RAVER2: variants seen among roughly 807,000 people sequenced by gnomAD.
RAVER2 encodes ribonucleoprotein PTB-binding 2.
Under a neutral mutation model 78.1 loss-of-function variants are expected in RAVER2, and 46 were observed. The observed-to-expected ratio is 0.59, with a 90% CI of 0.46 to 0.75. The LOEUF (loss-of-function observed/expected upper bound fraction) is 0.75, where lower values mean the gene tolerates loss of function less well. Ranked by LOEUF, RAVER2 falls within the 30% of genes least tolerant of loss-of-function variation. RAVER2 has a pLI of 0.00. For missense variants in RAVER2, 793 were observed against 837.5 expected (o/e 0.95, Z 0.66); for synonymous variants, 311 against 313.3 (o/e 0.99, Z 0.08).
exon 12 of RAVER2, chr1:64,830,860 A>G (rs758842276): frequency 6.2e-7 from 1 of 1,607,134 alleles, no homozygotes; most frequent in African/African-American, 1.3e-5. Context: ...AAGAAATGAA[A>G]AGCGAGGCTC....
intron 1 of RAVER2, among the ~76,000 whole-genome samples, chr1:64,749,014 A>AT (rs1169431375): frequency 6.7e-6 from 1 of 149,198 alleles, no homozygotes; most frequent in African/African-American, 2.5e-5. Context: ...TTTTTTTTTA[A>AT]TTTTTTGTAG....
chr1:64,805,161 G>A, intron 8 of RAVER2, 56 bp downstream of exon 8: 1 of 1,481,784 alleles, frequency 6.7e-7, no homozygotes, highest in Non-Finnish European at 9.4e-7. Context: ...GAGATTTAAA[G>A]ATAGTTTACC....
chr1:64,754,681 GGGGGTAT>G (rs1651802010), intron 1 of RAVER2, among the ~76,000 whole-genome samples: 1 of 152,188 alleles, frequency 6.6e-6, no homozygotes, highest in South Asian at 2.1e-4. Flanking sequence ...ATTATTTCAA[GGGGGTAT>G]GGATCTCTTA....
intron 1 of RAVER2, among the ~76,000 whole-genome samples, chr1:64,751,545 G>T (rs1472213780): frequency 6.6e-6 from 1 of 152,086 alleles, no homozygotes; most frequent in Non-Finnish European, 1.5e-5. Flanking sequence ...TCTTCTATTT[G>T]CACTTATTCT....
At chr1:64,778,066 A>G (rs1047459855) in exon 3 of RAVER2, 19 of 1,613,306 alleles carry the variant, frequency 1.2e-5, no homozygotes, top group Non-Finnish European at 1.6e-5. Flanking sequence ...AATTTTTTCC[A>G]GTGTCCATAA....
intron 1 of RAVER2, among the ~76,000 whole-genome samples, chr1:64,760,613 C>T (rs1354989305): frequency 6.6e-6 from 1 of 152,180 alleles, no homozygotes; most frequent in Non-Finnish European, 1.5e-5. Context: ...TTTAGCATTA[C>T]TAGATGATTG....
At chr1:64,805,016 C>T (rs1653374879) in exon 8 of RAVER2, 29 of 1,613,810 alleles carry the variant, frequency 1.8e-5, no homozygotes, top group Non-Finnish European at 2.3e-5. Context: ...GGAGAGCCCC[C>T]AGCTGTGGTA....
At chr1:64,746,238 C>T (rs978186212) in intron 1 of RAVER2, among the ~76,000 whole-genome samples, 8 of 152,102 alleles carry the variant, frequency 5.3e-5, no homozygotes, top group African/African-American at 1.4e-4. Context: ...ACAGAAATTA[C>T]CCATATTTCT....
intron 11 of RAVER2, among the ~76,000 whole-genome samples, chr1:64,820,820 G>A (rs949057874): frequency 6.6e-6 from 1 of 152,190 alleles, no homozygotes; most frequent in Non-Finnish European, 1.5e-5. Context: ...TGGGCATTTA[G>A]GTTGATTCTA....
intron 1 of RAVER2, among the ~76,000 whole-genome samples, chr1:64,750,852 G>T (rs1473041831): frequency 1.3e-5 from 2 of 152,168 alleles, no homozygotes; most frequent in African/African-American, 4.8e-5. Flanking sequence ...CAATTAAACA[G>T]AATTGAATTA....
intron 2 of RAVER2, among the ~76,000 whole-genome samples, chr1:64,773,391 G>A (rs1168758854): frequency 1.3e-5 from 2 of 151,028 alleles, no homozygotes; most frequent in African/African-American, 2.4e-5. Flanking sequence ...GTGTCCATTT[G>A]TTCTCATTGT....
At chr1:64,812,839 G>A (rs1653654884) in exon 10 of RAVER2, 2 of 1,600,772 alleles carry the variant, frequency 1.2e-6, no homozygotes, top group Non-Finnish European at 8.5e-7. Flanking sequence ...TGCCCAGTGT[G>A]TGCTTATCAT....
At chr1:64,791,928 GTCT>G (rs945433021) in intron 5 of RAVER2, among the ~76,000 whole-genome samples, 45 of 152,134 alleles carry the variant, frequency 3.0e-4, no homozygotes, top group African/African-American at 1.0e-3. Context: ...TATTTTACCT[GTCT>G]TCTTTTCTCC....
intron 4 of RAVER2, among the ~76,000 whole-genome samples, chr1:64,787,638 T>C (rs1486609940): frequency 3.3e-5 from 5 of 152,194 alleles, no homozygotes; most frequent in Admixed American, 6.5e-5. Flanking sequence ...TCTGCCCGCC[T>C]AGTGTTATCT....
chr1:64,791,556 A>G (rs1475891887), intron 5 of RAVER2, among the ~76,000 whole-genome samples: 1 of 152,252 alleles, frequency 6.6e-6, no homozygotes, highest in Admixed American at 6.5e-5. Flanking sequence ...ATTCTTTATT[A>G]TACAACAATA....
intron 5 of RAVER2, among the ~76,000 whole-genome samples, chr1:64,792,608 T>C (rs1652974916): frequency 6.6e-6 from 1 of 152,224 alleles, no homozygotes; most frequent in Non-Finnish European, 1.5e-5. Context: ...CTTAGTGCTT[T>C]CTCAATTTTA....
chr1:64,786,482 A>G (rs1268655362), intron 4 of RAVER2, among the ~76,000 whole-genome samples: 1 of 152,156 alleles, frequency 6.6e-6, no homozygotes, highest in African/African-American at 2.4e-5. Flanking sequence ...CAGTTTCTTT[A>G]ATTGGATCTT....
intron 11 of RAVER2, among the ~76,000 whole-genome samples, chr1:64,818,530 C>T (rs1653810975): frequency 1.3e-5 from 2 of 151,968 alleles, no homozygotes; most frequent in Admixed American, 6.6e-5. Context: ...AGTGAGACTC[C>T]GTCTCAAAAG....
At chr1:64,759,537 G>A (rs1651957778) in intron 1 of RAVER2, among the ~76,000 whole-genome samples, 1 of 150,204 alleles carries the variant, frequency 6.7e-6, no homozygotes, top group Admixed American at 6.6e-5. Flanking sequence ...ATTTTTTTGA[G>A]ACGGAGCTTC....
Sources: gnomAD v4.1 joint callset for allele counts (sites outside exome capture counted in the v4.1 genomes callset) on GRCh38, gnomAD v4.1.1 for gene constraint, MANE v1.5 for transcripts, NCBI Gene and HGNC (gene_info 2026-07-23, HGNC 2026-07-21) for gene names.